SHISA6: variants seen among roughly 807,000 people sequenced by gnomAD.
The protein encoded by SHISA6 is shisa family member 6, also known as protein shisa-6.
In SHISA6, 22 loss-of-function variants were observed where a neutral mutation model predicts 47.9. That is an observed-to-expected ratio of 0.46 (90% CI 0.33 to 0.66). SHISA6 has a LOEUF of 0.66. Among genes scored for constraint, SHISA6 ranks in the 30% least tolerant of loss-of-function variants. The probability of loss-of-function intolerance (pLI) is 0.02; values close to 1 mark genes in which losing one functional copy is unlikely to be tolerated. For synonymous variants in SHISA6, 388 were observed against 337.8 expected, an observed-to-expected ratio of 1.15 and a Z score of -1.63; for missense variants, 680 against 764.6, an observed-to-expected ratio of 0.89 and a Z score of 1.30.
intron 1 of SHISA6, among the ~76,000 whole-genome samples, chr17:11,245,217 C>T (rs529230299): frequency 1.7e-4 from 26 of 152,364 alleles, no homozygotes; most frequent in African/African-American, 6.3e-4. Context: ...GAGATGGGCA[C>T]AGGATTGAAA....
chr17:11,352,396 T>G (rs1157681738), intron 2 of SHISA6, among the ~76,000 whole-genome samples: 5 of 152,144 alleles, frequency 3.3e-5, no homozygotes, highest in African/African-American at 1.2e-4. Context: ...TTGTTGCGTT[T>G]GGTAATTAGG....
chr17:11,451,332 A>T (rs992117764), intron 3 of SHISA6, among the ~76,000 whole-genome samples: 11 of 152,158 alleles, frequency 7.2e-5, no homozygotes, highest in African/African-American at 2.7e-4. Context: ...TGCCCTATGG[A>T]GGAGGAAGAG....
intron 3 of SHISA6, among the ~76,000 whole-genome samples, chr17:11,450,429 G>C (rs2142304993): frequency 6.6e-6 from 1 of 152,150 alleles, no homozygotes; most frequent in East Asian, 2.0e-4. Context: ...GGCCGAGGTG[G>C]GCGGATCACC....
chr17:11,264,837 T>C (rs1353227719), intron 2 of SHISA6, among the ~76,000 whole-genome samples: 3 of 152,212 alleles, frequency 2.0e-5, no homozygotes, highest in Non-Finnish European at 4.4e-5. Context: ...CTTAAATCTT[T>C]TGAGAACCTA....
At chr17:11,503,747 A>G (rs1481199420) in intron 3 of SHISA6, among the ~76,000 whole-genome samples, 1 of 152,210 alleles carries the variant, frequency 6.6e-6, no homozygotes, top group South Asian at 2.1e-4. Context: ...ATGTTTATCA[A>G]TTGACATCTG....
intron 3 of SHISA6, among the ~76,000 whole-genome samples, chr17:11,420,001 C>T (rs950516124): frequency 1.3e-5 from 2 of 152,132 alleles, no homozygotes; most frequent in African/African-American, 4.8e-5. Flanking sequence ...GTCAGGAGTT[C>T]GAGACCAGCC....
At chr17:11,487,414 A>C (rs1166882911) in intron 3 of SHISA6, among the ~76,000 whole-genome samples, 1 of 152,194 alleles carries the variant, frequency 6.6e-6, no homozygotes, top group African/African-American at 2.4e-5. Flanking sequence ...AGCTTGTCAT[A>C]ACTGGCCATA....
At chr17:11,534,754 A>G (rs2071770864) in intron 3 of SHISA6, among the ~76,000 whole-genome samples, 1 of 152,186 alleles carries the variant, frequency 6.6e-6, no homozygotes, top group African/African-American at 2.4e-5. Flanking sequence ...GGAGACAGAA[A>G]CAAGATTCAG....
At chr17:11,390,922 C>T (rs115418885) in intron 3 of SHISA6, among the ~76,000 whole-genome samples, 288 of 152,154 alleles carry the variant, frequency 1.9e-3, no homozygotes, top group African/African-American at 6.3e-3. Flanking sequence ...AAACTCCTGC[C>T]GAGTAAATGG....
chr17:11,498,290 A>G (rs951544452), intron 3 of SHISA6, among the ~76,000 whole-genome samples: 3 of 152,200 alleles, frequency 2.0e-5, no homozygotes, highest in African/African-American at 7.2e-5. Context: ...TCCATCCCCA[A>G]ACATCTTGGA....
intron 3 of SHISA6, among the ~76,000 whole-genome samples, chr17:11,441,092 A>C (rs1023901706): frequency 6.6e-6 from 1 of 152,150 alleles, no homozygotes; most frequent in Non-Finnish European, 1.5e-5. Flanking sequence ...ACAACAACAA[A>C]AAAAACCTTC....
chr17:11,251,766 C>A (rs977919171), intron 1 of SHISA6, among the ~76,000 whole-genome samples: 4 of 152,154 alleles, frequency 2.6e-5, no homozygotes, highest in Admixed American at 2.6e-4. Flanking sequence ...TCACGCTTTC[C>A]CTGTGATTCT....
At chr17:11,263,294 G>T in intron 1 of SHISA6, 72 bp from the exon 2 acceptor site, 1 of 1,484,374 alleles carries the variant, frequency 6.7e-7, no homozygotes, top group Admixed American at 2.0e-5. Context: ...GCATATGAAA[G>T]TAAGCCAACT....
At chr17:11,515,686 A>ACGCTGAC (rs1478945739) in intron 3 of SHISA6, among the ~76,000 whole-genome samples, 4 of 152,104 alleles carry the variant, frequency 2.6e-5, no homozygotes, top group Non-Finnish European at 4.4e-5. Context: ...TGTGGGTCAG[A>ACGCTGAC]CGCTGACCAA....
intron 3 of SHISA6, among the ~76,000 whole-genome samples, chr17:11,525,598 A>C (rs1235690791): frequency 7.7e-6 from 1 of 129,828 alleles, no homozygotes; most frequent in African/African-American, 2.9e-5. Flanking sequence ...GCGCCACTGC[A>C]CTCCAGCCTG....
chr17:11,487,991 C>A (rs1204064087), intron 3 of SHISA6, among the ~76,000 whole-genome samples: 2 of 152,214 alleles, frequency 1.3e-5, no homozygotes, highest in Non-Finnish European at 2.9e-5. Context: ...GGTCAAAAGT[C>A]TGATATCCTG....
chr17:11,289,365 T>A (rs1287977365), intron 2 of SHISA6: 1 of 152,012 alleles, frequency 6.6e-6, no homozygotes. Context: ...TGAGTTAAAC[T>A]GTCCTCTATC....
intron 3 of SHISA6, among the ~76,000 whole-genome samples, chr17:11,447,931 T>C (rs1210538012): frequency 6.6e-6 from 1 of 152,138 alleles, no homozygotes; most frequent in Non-Finnish European, 1.5e-5. Flanking sequence ...GGAGGGGCAG[T>C]GGGTACGGGC....
intron 3 of SHISA6, among the ~76,000 whole-genome samples, chr17:11,499,686 T>C (rs1312605023): frequency 2.1e-5 from 3 of 143,728 alleles, no homozygotes; most frequent in Admixed American, 6.8e-5. Context: ...TTTCTTTCTT[T>C]TTTTTTTTTT....
Sources: gnomAD v4.1 joint callset for allele counts (sites outside exome capture counted in the v4.1 genomes callset) on GRCh38, gnomAD v4.1.1 for gene constraint, MANE v1.5 for transcripts, NCBI Gene and HGNC (gene_info 2026-07-23, HGNC 2026-07-21) for gene names.